Variants in PPP3CC observed in about 807,000 individuals in gnomAD.
PPP3CC encodes serine/threonine-protein phosphatase 2B catalytic subunit gamma isoform.
In PPP3CC, 35 loss-of-function variants were observed where a neutral mutation model predicts 60.3. The observed-to-expected ratio is 0.58, with a 90% CI of 0.44 to 0.77. PPP3CC has a LOEUF of 0.77. PPP3CC is among the 30% of genes least tolerant of loss of function. PPP3CC has a pLI of 0.00. For synonymous variants in PPP3CC, 206 were observed against 224.3 expected (o/e 0.92, Z 0.73); for missense variants, 570 against 628.9 (o/e 0.91, Z 1.00).
At chr8:22,534,475 A>G (rs1353317696) in intron 12 of PPP3CC, among the ~76,000 whole-genome samples, 1 of 152,120 alleles carries the variant, frequency 6.6e-6, no homozygotes, top group Non-Finnish European at 1.5e-5. Flanking sequence ...TTTGTGGAGA[A>G]CTAGTACTAG....
chr8:22,496,892 T>A (rs1389369969), intron 3 of PPP3CC, among the ~76,000 whole-genome samples: 7 of 152,194 alleles, frequency 4.6e-5, no homozygotes, highest in Admixed American at 3.3e-4. Context: ...ATAGGGACAT[T>A]TAAATTTTTT....
intron 12 of PPP3CC, among the ~76,000 whole-genome samples, chr8:22,535,708 C>T: frequency 6.6e-6 from 1 of 152,088 alleles, no homozygotes; most frequent in Non-Finnish European, 1.5e-5. Flanking sequence ...AATTTCATTG[C>T]TATTGACTAA....
In PPP3CC at chr8:22,498,059, G is replaced by A. The variant is rs763951398; in HGVS notation, c.431G>A (p.Arg144Gln). 7.4e-6 allele frequency: 12 copies of A among 1,613,158 alleles called. No individual in the cohort carries two copies. The highest frequency in any genetic ancestry group is 2.2e-5 in the South Asian group (2 of 91,012). Residue 144 changes from arginine to glutamine, a missense_variant, in exon 4 of 14, where the codon CGG (arginine) becomes CAG (glutamine). Physicochemically the swap from Arg to Gln is conservative, Grantham distance 43 (BLOSUM62 1). Coordinates refer to ENST00000240139, the MANE Select transcript of PPP3CC (RefSeq NM_005605.5). ...INHPKTLFLL[R>Q]GNHECRHLTD... ...CATCCCAAAACATTGTTTCTGCTTC[G>A]GGGAAATCATGAATGCAGGCATCTT...
intron 1 of PPP3CC, among the ~76,000 whole-genome samples, chr8:22,457,035 T>C (rs1241687569): frequency 3.1e-4 from 16 of 51,622 alleles, no homozygotes; most frequent in South Asian, 1.1e-3. Context: ...CTTCCTCCCT[T>C]CCTCCCTCCC....
intron 3 of PPP3CC, among the ~76,000 whole-genome samples, chr8:22,491,064 A>G (rs1462910509): frequency 6.6e-6 from 1 of 152,142 alleles, no homozygotes; most frequent in Non-Finnish European, 1.5e-5. Flanking sequence ...TTTATGTATG[A>G]CACTTTAGTT....
intron 1 of PPP3CC, among the ~76,000 whole-genome samples, chr8:22,461,290 A>G (rs1837355520): frequency 6.6e-6 from 1 of 152,148 alleles, no homozygotes; most frequent in African/African-American, 2.4e-5. Flanking sequence ...TTTACATTAG[A>G]TATGAAGCTA....
intron 9 of PPP3CC, 134 bp downstream of exon 9, chr8:22,527,651 TC>T (rs1839594608): frequency 9.7e-7 from 1 of 1,034,612 alleles, no homozygotes; most frequent in Non-Finnish European, 1.4e-6. Context: ...TTTTTTTTTT[TC>T]TGAGATGGAG....
chr8:22,475,994 A>G (rs900836568), intron 3 of PPP3CC, among the ~76,000 whole-genome samples: 28 of 152,322 alleles, frequency 1.8e-4, no homozygotes, highest in African/African-American at 6.5e-4. Flanking sequence ...CTGAGCTACA[A>G]TTAACACTTA....
intron 5 of PPP3CC, 51 bp downstream of exon 5, chr8:22,511,282 GT>G (rs761525987): frequency 3.2e-6 from 5 of 1,559,640 alleles, no homozygotes; most frequent in Non-Finnish European, 4.4e-6. Flanking sequence ...AATGTGTTGG[GT>G]TTTTTTGTTG....
chr8:22,442,176 TTAAAC>T (rs1313306731), intron 1 of PPP3CC, among the ~76,000 whole-genome samples: 3 of 152,336 alleles, frequency 2.0e-5, no homozygotes, highest in Non-Finnish European at 2.9e-5. Context: ...GTTTCTCCCT[TTAAAC>T]TAAGAAGATG....
At chr8:22,524,502 C>T in intron 8 of PPP3CC, among the ~76,000 whole-genome samples, 1 of 152,168 alleles carries the variant, frequency 6.6e-6, no homozygotes, top group East Asian at 1.9e-4. Context: ...CTCTGCTTCT[C>T]CCTAAGTTCA....
In PPP3CC at chr8:22,470,051, T is replaced by C. The variant is rs560064413; in HGVS notation, c.50-4903T>C. ...ATATATAAAATAAATATGGGTGATATATATATATACACACACACACACACA... is the reference window on the plus strand; with the variant it reads ...ATATATAAAATAAATATGGGTGATACATATATATACACACACACACACACA... On this transcript the variant is annotated intron_variant, in intron 1 of 13. Transcript: ENST00000240139. Among the ~76,000 whole-genome samples, 467 of 146,136 alleles carry C rather than the reference T, an allele frequency of 3.2e-3. 3 individuals are homozygous for C. The highest frequency in any genetic ancestry group is 0.011 in the African/African-American group (443 of 38,532).
chr8:22,477,928 G>A (rs1052222629), intron 3 of PPP3CC, among the ~76,000 whole-genome samples: 4 of 152,142 alleles, frequency 2.6e-5, no homozygotes, highest in Non-Finnish European at 4.4e-5. Flanking sequence ...TCGGCCCACC[G>A]CAACGTCCGC....
At chr8:22,479,106 A>G (rs1227625895) in intron 3 of PPP3CC, among the ~76,000 whole-genome samples, 1 of 152,160 alleles carries the variant, frequency 6.6e-6, no homozygotes, top group Non-Finnish European at 1.5e-5. Flanking sequence ...TTACTCTAAC[A>G]TGTTGCAAGT....
intron 3 of PPP3CC, among the ~76,000 whole-genome samples, chr8:22,487,078 T>C (rs1355204449): frequency 1.3e-5 from 2 of 152,104 alleles, no homozygotes; most frequent in East Asian, 1.9e-4. Flanking sequence ...CAACAGCAAA[T>C]TGGATTTGAT....
chr8:22,518,521 G>T (rs1238016509), intron 6 of PPP3CC, among the ~76,000 whole-genome samples: 1 of 152,182 alleles, frequency 6.6e-6, no homozygotes, highest in Non-Finnish European at 1.5e-5. Context: ...AGAATATTCT[G>T]TGTACACTTG....
At chr8:22,451,366 C>G (rs1837019161) in intron 1 of PPP3CC, among the ~76,000 whole-genome samples, 1 of 146,946 alleles carries the variant, frequency 6.8e-6, no homozygotes, top group Non-Finnish European at 1.5e-5. Context: ...AAACTTCTGA[C>G]CTCAGGTGAT....
intron 6 of PPP3CC, among the ~76,000 whole-genome samples, chr8:22,518,982 C>T (rs967810584): frequency 3.3e-5 from 5 of 152,088 alleles, no homozygotes; most frequent in African/African-American, 4.8e-5. Context: ...CCACTGTGCC[C>T]GTCCTACTTG....
At chr8:22,503,416 G>A (rs1838817801) in intron 4 of PPP3CC, among the ~76,000 whole-genome samples, 1 of 152,130 alleles carries the variant, frequency 6.6e-6, no homozygotes, top group Non-Finnish European at 1.5e-5. Flanking sequence ...TATGAATTAG[G>A]AGTAGATACG....
Sources: allele counts gnomAD v4.1 joint callset (sites outside exome capture counted in the v4.1 genomes callset), GRCh38; gene constraint gnomAD v4.1.1; transcripts MANE v1.5; gene names NCBI Gene and HGNC (gene_info 2026-07-23, HGNC 2026-07-21).